The following COMMD1 variants were observed in gnomAD, a reference collection of about 807,000 sequenced individuals.
The protein encoded by COMMD1 is copper metabolism domain containing 1, also known as COMM domain-containing protein 1.
COMMD1 carries 10 observed loss-of-function variants against 17.2 expected under a neutral mutation model. The ratio of observed to expected loss-of-function variants is 0.58; its 90% CI spans 0.36 to 0.99. The LOEUF (loss-of-function observed/expected upper bound fraction) is 0.99. Among genes scored for constraint, COMMD1 ranks in the 50% least tolerant of loss-of-function variants. The probability of loss-of-function intolerance (pLI) is 0.01; values close to 1 mark genes in which losing one functional copy is unlikely to be tolerated. For synonymous variants in COMMD1, 97 were observed against 91.6 expected (o/e 1.06, Z -0.34); for missense variants, 270 against 231.8 (o/e 1.17, Z -1.07).
chr2:62,043,654 T>C (rs1443312879), intron 2 of COMMD1, among the ~76,000 whole-genome samples: 1 of 152,182 alleles, frequency 6.6e-6, no homozygotes, highest in Non-Finnish European at 1.5e-5. Context: ...CTAATAACTC[T>C]CCTCTAAAAT....
chr2:61,929,566 A>G (rs1670412136), intron 1 of COMMD1, among the ~76,000 whole-genome samples: 1 of 152,314 alleles, frequency 6.6e-6, no homozygotes, highest in African/African-American at 2.4e-5. Context: ...CAAACCTAGC[A>G]TAACAATATT....
intron 2 of COMMD1, among the ~76,000 whole-genome samples, chr2:62,098,162 CTTT>C (rs1212972398): frequency 5.6e-5 from 7 of 125,844 alleles, no homozygotes; most frequent in Admixed American, 8.1e-5. Flanking sequence ...TCCTTTCTTT[CTTT>C]TTTTTTTTTT....
intron 1 of COMMD1, among the ~76,000 whole-genome samples, chr2:61,927,063 G>A (rs927299399): frequency 6.6e-6 from 1 of 152,132 alleles, no homozygotes; most frequent in African/African-American, 2.4e-5. Flanking sequence ...GAGGTGGTTG[G>A]TTTTATAGGC....
At chr2:61,915,776 A>G (rs1272124665) in intron 1 of COMMD1, 5 of 435,328 alleles carry the variant, frequency 1.1e-5, no homozygotes, top group South Asian at 8.3e-5. Context: ...GATTACAGGT[A>G]TGAGCCACCA....
intron 1 of COMMD1, among the ~76,000 whole-genome samples, chr2:61,908,947 G>A (rs1347172421): frequency 2.0e-5 from 3 of 151,702 alleles, no homozygotes; most frequent in African/African-American, 7.3e-5. Flanking sequence ...TTTTTGAGAC[G>A]GAGTATCGCT....
intron 1 of COMMD1, among the ~76,000 whole-genome samples, chr2:61,978,736 A>T (rs997187319): frequency 6.6e-6 from 1 of 152,160 alleles, no homozygotes; most frequent in South Asian, 2.1e-4. Context: ...TTCTTTTGAC[A>T]TGGTTCTTCA....
chr2:61,994,279 C>T (rs1349049302), intron 1 of COMMD1, among the ~76,000 whole-genome samples: 1 of 152,172 alleles, frequency 6.6e-6, no homozygotes, highest in Non-Finnish European at 1.5e-5. Context: ...AGCCACCACG[C>T]CCAGCCTGTA....
intron 1 of COMMD1, among the ~76,000 whole-genome samples, chr2:61,968,705 T>C (rs889453332): frequency 2.0e-5 from 3 of 151,480 alleles, no homozygotes; most frequent in African/African-American, 7.3e-5. Context: ...CACAGGTGCA[T>C]GCCACCATGC....
At chr2:61,933,464 A>T (rs1419907005) in intron 1 of COMMD1, among the ~76,000 whole-genome samples, 1 of 151,866 alleles carries the variant, frequency 6.6e-6, no homozygotes, top group Non-Finnish European at 1.5e-5. Flanking sequence ...CTTAGTGCAG[A>T]GGTTCCAGGC....
chr2:62,127,839 C>T (rs780321042), intron 2 of COMMD1, among the ~76,000 whole-genome samples: 6 of 151,176 alleles, frequency 4.0e-5, no homozygotes, highest in Non-Finnish European at 8.8e-5. Flanking sequence ...GCCTGACCAA[C>T]ATGGTGAAAC....
chr2:62,131,282 C>G (rs1436264875), intron 2 of COMMD1, among the ~76,000 whole-genome samples: 4 of 152,190 alleles, frequency 2.6e-5, no homozygotes, highest in Admixed American at 2.6e-4. Flanking sequence ...TGCTTATCTG[C>G]TAGCCACATT....
chr2:62,121,370 T>TAAAAAAAAA (rs1289823352), intron 2 of COMMD1, among the ~76,000 whole-genome samples: 1 of 15,022 alleles, frequency 6.7e-5, no homozygotes, highest in Non-Finnish European at 1.0e-4. Flanking sequence ...AGACTCTTTC[T>TAAAAAAAAA]CAAAAAAAAA....
intron 2 of COMMD1, among the ~76,000 whole-genome samples, chr2:62,056,269 C>G (rs1052444626): frequency 1.3e-5 from 2 of 152,194 alleles, no homozygotes; most frequent in Non-Finnish European, 2.9e-5. Flanking sequence ...TAAGTACATG[C>G]TTTTACATGT....
chr2:61,944,098 T>C (rs1236376721), intron 1 of COMMD1, among the ~76,000 whole-genome samples: 3 of 152,110 alleles, frequency 2.0e-5, no homozygotes, highest in Admixed American at 2.0e-4. Flanking sequence ...CTCACACAAA[T>C]GTGCACATGA....
At chr2:62,029,891 G>A (rs778362574) in intron 2 of COMMD1, among the ~76,000 whole-genome samples, 20 of 152,348 alleles carry the variant, frequency 1.3e-4, no homozygotes, top group Non-Finnish European at 4.4e-5. Context: ...ACAAGAAGCA[G>A]ATTGATTAAT....
intron 2 of COMMD1, among the ~76,000 whole-genome samples, chr2:62,009,599 C>T (rs1425850535): frequency 7.4e-6 from 1 of 134,802 alleles, no homozygotes; most frequent in Non-Finnish European, 1.6e-5. Flanking sequence ...GTGAGACTGT[C>T]TCAAAAAAAA....
intron 1 of COMMD1, among the ~76,000 whole-genome samples, chr2:61,890,555 T>C (rs191964308): frequency 6.6e-6 from 1 of 152,034 alleles, no homozygotes; most frequent in East Asian, 1.9e-4. Context: ...ATATTAGCAC[T>C]AGGGGCCTGG....
intron 2 of COMMD1, among the ~76,000 whole-genome samples, chr2:62,126,104 T>C (rs1672879408): frequency 1.3e-5 from 2 of 152,228 alleles, no homozygotes; most frequent in Admixed American, 1.3e-4. Flanking sequence ...CATGATCTTA[T>C]TCCTTTTTAT....
At chr2:61,907,065 G>A (rs536669009) in intron 1 of COMMD1, among the ~76,000 whole-genome samples, 3 of 152,286 alleles carry the variant, frequency 2.0e-5, no homozygotes, top group Admixed American at 2.0e-4. Flanking sequence ...AGTAATCTTA[G>A]TTGATATCAG....
Sources: gnomAD v4.1 joint callset for allele counts (sites outside exome capture counted in the v4.1 genomes callset) on GRCh38, gnomAD v4.1.1 for gene constraint, MANE v1.5 for transcripts, NCBI Gene and HGNC (gene_info 2026-07-23, HGNC 2026-07-21) for gene names.